AUTS2: variants seen among roughly 807,000 people sequenced by gnomAD.
The protein encoded by AUTS2 is activator of transcription and developmental regulator AUTS2, also known as autism susceptibility gene 2 protein.
AUTS2 carries 17 observed loss-of-function variants against 112.4 expected under a neutral mutation model. The observed-to-expected ratio is 0.15, with a 90% CI of 0.10 to 0.23. The LOEUF (loss-of-function observed/expected upper bound fraction) is 0.23, where lower values mean the gene tolerates loss of function less well. AUTS2 is among the 10% of genes least tolerant of loss of function. The pLI, the probability that AUTS2 is intolerant of heterozygous loss-of-function variation, is 1.00. For missense variants in AUTS2, 1,510 were observed against 1,701.6 expected, an observed-to-expected ratio of 0.89 and a Z score of 1.98; for synonymous variants, 751 against 702.7, an observed-to-expected ratio of 1.07 and a Z score of -1.09.
intron 4 of AUTS2, among the ~76,000 whole-genome samples, chr7:70,412,382 A>G (rs1019548376): frequency 6.6e-6 from 1 of 151,886 alleles, no homozygotes; most frequent in Admixed American, 6.6e-5. Flanking sequence ...ATTGATACTA[A>G]GAGAATAAGT....
chr7:69,752,736 T>C (rs1787793912), intron 1 of AUTS2, among the ~76,000 whole-genome samples: 1 of 152,188 alleles, frequency 6.6e-6, no homozygotes, highest in Admixed American at 6.5e-5. Context: ...TTCAGGTCAC[T>C]TATGGAAAAA....
chr7:70,255,821 A>G (rs1246554879), intron 4 of AUTS2, among the ~76,000 whole-genome samples: 7 of 152,234 alleles, frequency 4.6e-5, no homozygotes, highest in Non-Finnish European at 1.0e-4. Flanking sequence ...AAATGTAAGA[A>G]CAAACCATTT....
intron 1 of AUTS2, among the ~76,000 whole-genome samples, chr7:69,793,564 G>C (rs1235402365): frequency 6.6e-6 from 1 of 152,094 alleles, no homozygotes; most frequent in South Asian, 2.1e-4. Context: ...GTTAGTTTAG[G>C]TTAGGCAAAA....
At chr7:70,018,358 A>G (rs1452987252) in intron 2 of AUTS2, among the ~76,000 whole-genome samples, 4 of 152,216 alleles carry the variant, frequency 2.6e-5, no homozygotes, top group East Asian at 1.9e-4. Flanking sequence ...ATCAGTGAAC[A>G]TCTGTATTTC....
chr7:70,247,567 AC>A (rs1812991733), intron 4 of AUTS2, among the ~76,000 whole-genome samples: 1 of 152,226 alleles, frequency 6.6e-6, no homozygotes, highest in African/African-American at 2.4e-5. Flanking sequence ...TCTAAAATTT[AC>A]TGCTGGTGTA....
intron 1 of AUTS2, among the ~76,000 whole-genome samples, chr7:69,713,843 G>A (rs1302822983): frequency 6.6e-6 from 1 of 152,046 alleles, no homozygotes; most frequent in African/African-American, 2.4e-5. Context: ...CCTGTGGTTT[G>A]TATTTTCATT....
At chr7:69,924,223 A>G (rs1239388091) in intron 2 of AUTS2, among the ~76,000 whole-genome samples, 1 of 152,052 alleles carries the variant, frequency 6.6e-6, no homozygotes, top group Non-Finnish European at 1.5e-5. Context: ...TTGTTTATTA[A>G]TATAGTAATA....
At chr7:70,518,106 A>G (rs1799491942) in intron 5 of AUTS2, among the ~76,000 whole-genome samples, 1 of 152,242 alleles carries the variant, frequency 6.6e-6, no homozygotes, top group African/African-American at 2.4e-5. Flanking sequence ...TATAATTACA[A>G]TGAACATTCA....
chr7:69,855,727 T>C (rs542727277), intron 1 of AUTS2, among the ~76,000 whole-genome samples: 78 of 152,346 alleles, frequency 5.1e-4, no homozygotes, highest in African/African-American at 1.8e-3. Context: ...ACTTAACTTA[T>C]AATGAATGCC....
intron 2 of AUTS2, among the ~76,000 whole-genome samples, chr7:69,985,227 TAAAAAA>T: frequency 9.6e-6 from 1 of 104,686 alleles, no homozygotes; most frequent in South Asian, 3.3e-4. Flanking sequence ...GAAGACTCTC[TAAAAAA>T]AAAAAAAAAA....
intron 4 of AUTS2, among the ~76,000 whole-genome samples, chr7:70,160,467 C>T (rs987069542): frequency 4.6e-4 from 70 of 152,300 alleles, no homozygotes; most frequent in Middle Eastern, 6.8e-3. Flanking sequence ...ACTTCTAACT[C>T]ATTAAACAAT....
At chr7:70,575,578 A>G (rs1802128967) in intron 5 of AUTS2, among the ~76,000 whole-genome samples, 1 of 152,172 alleles carries the variant, frequency 6.6e-6, no homozygotes. Context: ...GGCACCTGAC[A>G]CTTTCAATAC....
intron 3 of AUTS2, among the ~76,000 whole-genome samples, chr7:70,125,631 G>A (rs1310508775): frequency 6.6e-6 from 1 of 152,072 alleles, no homozygotes. Flanking sequence ...AGTTCCAGCT[G>A]TCTTTGCCTC....
At chr7:70,775,120 T>C (rs1790603728) in intron 12 of AUTS2, 4 of 544,158 alleles carry the variant, frequency 7.4e-6, no homozygotes, top group Non-Finnish European at 9.7e-6. Context: ...TTGCTATTGA[T>C]TAAACTTGTA....
At chr7:70,603,218 TTTTC>T (rs144487910) in intron 5 of AUTS2, among the ~76,000 whole-genome samples, 67,385 of 151,662 alleles carry the variant, frequency 0.44, 15,511 homozygotes, top group Non-Finnish European at 0.49. Flanking sequence ...CCCATTTTCC[TTTTC>T]TTTTCTTTTT....
chr7:69,980,505 T>C (rs533438839), intron 2 of AUTS2, among the ~76,000 whole-genome samples: 2 of 152,330 alleles, frequency 1.3e-5, no homozygotes, highest in South Asian at 2.1e-4. Flanking sequence ...GTTATGTACA[T>C]ACTTGTTATT....
chr7:70,790,649 C>G lies in AUTS2; in HGVS notation c.3433C>G (p.Arg1145Gly). 2 of 1,612,842 alleles carry G rather than the reference C, an allele frequency of 1.2e-6. No homozygotes were observed. The highest frequency in any genetic ancestry group is 1.7e-6 in the Non-Finnish European group (2 of 1,179,656). Residue 1145 changes from arginine (R) to glycine (G), a missense_variant, in exon 19 of 19, where the codon CGG becomes GGG. Coordinates refer to ENST00000342771, the MANE Select transcript of AUTS2 (RefSeq NM_015570.4). This position sits in a 1 kb window ranked among gnomAD's most constrained non-coding sequence, Gnocchi z 7.6. ...TGTGGACCCTCGGCGGGAGCACGAGCGGGGAGGCCACCTGGACGAGCGGGA... is the reference window on the plus strand; with the variant it reads ...TGTGGACCCTCGGCGGGAGCACGAGGGGGGAGGCCACCTGGACGAGCGGGA... ...LSVDPRREHE[R>G]GGHLDERERL...
intron 4 of AUTS2, among the ~76,000 whole-genome samples, chr7:70,247,527 G>A (rs533885200): frequency 6.6e-6 from 1 of 152,222 alleles, no homozygotes; most frequent in Non-Finnish European, 1.5e-5. Flanking sequence ...TCATTTTAAT[G>A]TATATTTTAC....
intron 4 of AUTS2, among the ~76,000 whole-genome samples, chr7:70,252,526 A>C (rs1205991654): frequency 6.6e-6 from 1 of 152,108 alleles, no homozygotes; most frequent in Non-Finnish European, 1.5e-5. Flanking sequence ...ATGGTTTGCA[A>C]ATATTTTCTC....
Sources: allele counts gnomAD v4.1 joint callset (sites outside exome capture counted in the v4.1 genomes callset), GRCh38; gene constraint gnomAD v4.1.1; non-coding constraint Gnocchi (gnomAD v3.1); transcripts MANE v1.5; gene names NCBI Gene and HGNC (gene_info 2026-07-23, HGNC 2026-07-21).